Variants in ADGRL3 observed in about 807,000 individuals in gnomAD.
The protein encoded by ADGRL3 is calcium-independent alpha-latrotoxin receptor 3.
A neutral mutation model predicts 153.5 loss-of-function variants in ADGRL3; 62 were observed. The ratio of observed to expected loss-of-function variants is 0.40; its 90% confidence interval spans 0.33 to 0.50. The LOEUF is 0.50. Among genes scored for constraint, ADGRL3 ranks in the 20% least tolerant of loss-of-function variants. The pLI is 0.47. For missense variants in ADGRL3, 1,641 were observed against 1,859.4 expected (o/e 0.88, Z 2.16); for synonymous variants, 710 against 672.5 (o/e 1.06, Z -0.86).
intron 1 of ADGRL3, among the ~76,000 whole-genome samples, chr4:61,297,620 A>G (rs1403604695): frequency 6.6e-6 from 1 of 151,722 alleles, no homozygotes; most frequent in Non-Finnish European, 1.5e-5. Flanking sequence ...GGCACAAGGT[A>G]TCCTGGAGAT....
At chr4:62,016,657 T>C (rs1581900688) in intron 21 of ADGRL3, among the ~76,000 whole-genome samples, 1 of 152,190 alleles carries the variant, frequency 6.6e-6, no homozygotes, top group East Asian at 1.9e-4. Context: ...GCAAAACTGT[T>C]TTAGCTACTC....
intron 1 of ADGRL3, among the ~76,000 whole-genome samples, chr4:61,347,130 G>A (rs1468714057): frequency 6.6e-6 from 1 of 152,024 alleles, no homozygotes; most frequent in Non-Finnish European, 1.5e-5. Flanking sequence ...AGTGTGCTCA[G>A]AACCTTAAGT....
chr4:61,485,269 T>C (rs747109781), intron 2 of ADGRL3, among the ~76,000 whole-genome samples: 11 of 152,224 alleles, frequency 7.2e-5, no homozygotes, highest in Non-Finnish European at 1.5e-4. Flanking sequence ...GAAAATTATA[T>C]TGCGATATTT....
At position 61,362,416 on chromosome 4, in the gene ADGRL3, C is replaced by A. The variant is rs985098510; in HGVS notation, c.-239-20708C>A. Among the ~76,000 whole-genome samples the A allele has an allele frequency of 6.6e-5, 10 of 151,970 alleles. 1 individual carries two copies. Among genetic ancestry groups the A allele is most frequent in the South Asian group, 4.2e-4 (2 of 4,806 alleles). ...TTAGGAGCACCACCCCTCCACCTGTCCCCCAACCCAACACCATGTAGTTGA... is the reference window on the plus strand; with the variant it reads ...TTAGGAGCACCACCCCTCCACCTGTACCCCAACCCAACACCATGTAGTTGA... On this transcript the variant is annotated intron_variant, in intron 1 of 26. Transcript: ENST00000683033.
intron 1 of ADGRL3, among the ~76,000 whole-genome samples, chr4:61,242,819 A>G (rs1472846798): frequency 1.3e-5 from 2 of 152,144 alleles, no homozygotes; most frequent in African/African-American, 2.4e-5. Context: ...TTTCTTCACA[A>G]TAAACATTAT....
At chr4:61,786,349 G>A (rs2152410349) in intron 8 of ADGRL3, among the ~76,000 whole-genome samples, 1 of 152,302 alleles carries the variant, frequency 6.6e-6, no homozygotes, top group African/African-American at 2.4e-5. Context: ...TCTGCTTTGA[G>A]TGAGGTTATT....
Position 61,448,963 on chromosome 4 carries a change from C to A in ADGRL3, c.-173-48158C>A, listed in dbSNP as rs546799622. On this transcript the variant is annotated intron_variant, in intron 2 of 26. Coordinates refer to ENST00000683033, the MANE Select transcript of ADGRL3 (RefSeq NM_001387552.1). ...AATTAGGAGATTTTTTTGAGAAAACCATGTTTATGTGGAGATATATGTTTC... is the reference window on the plus strand; with the variant it reads ...AATTAGGAGATTTTTTTGAGAAAACAATGTTTATGTGGAGATATATGTTTC... Among the ~76,000 whole-genome samples, 3 of 151,718 alleles carry A rather than the reference C, an allele frequency of 2.0e-5. No homozygotes were observed. The South Asian group carries it at 6.3e-4, about 32-fold the overall frequency.
chr4:62,021,427 A>G (rs892534990), intron 21 of ADGRL3, among the ~76,000 whole-genome samples: 1 of 152,166 alleles, frequency 6.6e-6, no homozygotes, highest in African/African-American at 2.4e-5. Flanking sequence ...AGTCACTGAC[A>G]TAGTGTTTCA....
At position 61,582,900 on chromosome 4, in the gene ADGRL3, C is replaced by T. The variant is rs928980207; in HGVS notation, c.260-4327C>T. ...CAACTTCTTTGTTCATCCCTCTTCT[C>T]TTACTCTAGAAACACTCACTTAGCT... On this transcript the variant is annotated intron_variant, in intron 4 of 26. Coordinates refer to ENST00000683033, the MANE Select transcript of ADGRL3 (RefSeq NM_001387552.1). Among the ~76,000 whole-genome samples, 12 of 152,012 alleles carry T rather than the reference C, an allele frequency of 7.9e-5. No homozygotes were observed. In the South Asian group the frequency reaches 2.5e-3, roughly 31 times the overall value.
At chr4:61,556,794 C>G (rs979691691) in intron 4 of ADGRL3, among the ~76,000 whole-genome samples, 5 of 152,150 alleles carry the variant, frequency 3.3e-5, no homozygotes, top group Admixed American at 1.3e-4. Context: ...GAGGTTGTGT[C>G]AAGTTCAATG....
intron 1 of ADGRL3, among the ~76,000 whole-genome samples, chr4:61,272,691 TG>T (rs574972195): frequency 1.4e-3 from 212 of 152,250 alleles, no homozygotes; most frequent in African/African-American, 4.6e-3. Flanking sequence ...AAATTTAGAA[TG>T]AAAAGTAGCT....
chr4:61,357,802 T>C (rs997127301), intron 1 of ADGRL3, among the ~76,000 whole-genome samples: 1 of 152,070 alleles, frequency 6.6e-6, no homozygotes, highest in Admixed American at 6.6e-5. Context: ...TGAGAAGATA[T>C]TGTTTACTAT....
chr4:61,236,937 A>G (rs1289425832), intron 1 of ADGRL3, among the ~76,000 whole-genome samples: 3 of 152,174 alleles, frequency 2.0e-5, no homozygotes, highest in African/African-American at 7.2e-5. Flanking sequence ...TTGACTTTCT[A>G]TTTCAGATAT....
At chr4:61,869,960 A>AAAAAAAAAAAAAAAAC (rs1554051477) in intron 9 of ADGRL3, among the ~76,000 whole-genome samples, 1 of 101,866 alleles carries the variant, frequency 9.8e-6, no homozygotes, top group Non-Finnish European at 2.0e-5. Context: ...AAAAAAAAAA[A>AAAAAAAAAAAAAAAAC]AGAGAGAGAG....
At chr4:61,621,303 A>C (rs2092493479) in intron 5 of ADGRL3, among the ~76,000 whole-genome samples, 1 of 152,094 alleles carries the variant, frequency 6.6e-6, no homozygotes, top group Non-Finnish European at 1.5e-5. Flanking sequence ...TCACAGATAA[A>C]ATTTTTGTCT....
intron 21 of ADGRL3, among the ~76,000 whole-genome samples, chr4:62,020,657 T>C (rs979779796): frequency 2.0e-5 from 3 of 152,044 alleles, no homozygotes; most frequent in Non-Finnish European, 2.9e-5. Context: ...TGAAAAGTCA[T>C]AAGAAAAAAA....
At chr4:61,248,018 A>G (rs1318758713) in intron 1 of ADGRL3, among the ~76,000 whole-genome samples, 5 of 152,092 alleles carry the variant, frequency 3.3e-5, no homozygotes, top group Non-Finnish European at 7.4e-5. Context: ...TTTTAGAGCT[A>G]TTTTATTTAC....
intron 1 of ADGRL3, among the ~76,000 whole-genome samples, chr4:61,280,101 T>C (rs1287048147): frequency 1.6e-5 from 2 of 125,984 alleles, no homozygotes; most frequent in African/African-American, 2.9e-5. Context: ...TCTTTTCTTT[T>C]CTTTTCTTTT....
At chr4:61,720,526 G>T (rs2096223712) in intron 6 of ADGRL3, among the ~76,000 whole-genome samples, 1 of 152,178 alleles carries the variant, frequency 6.6e-6, no homozygotes. Flanking sequence ...ATATAACTTA[G>T]CAGATAAAGC....
Sources: gnomAD v4.1 joint callset for allele counts (sites outside exome capture counted in the v4.1 genomes callset) on GRCh38, gnomAD v4.1.1 for gene constraint, MANE v1.5 for transcripts, NCBI Gene and HGNC (gene_info 2026-07-23, HGNC 2026-07-21) for gene names.